FREM3: variants seen among roughly 807,000 people sequenced by gnomAD.
FREM3 encodes the protein FRAS1-related extracellular matrix protein 3.
FREM3 carries 105 observed loss-of-function variants against 129.1 expected under a neutral mutation model. The ratio of observed to expected loss-of-function variants is 0.81; its 90% confidence interval spans 0.69 to 0.96. FREM3 has a LOEUF of 0.96. FREM3 is among the 40% of genes least tolerant of loss of function. The pLI is 0.00. For missense variants in FREM3, 2,593 were observed against 2,666.3 expected, an observed-to-expected ratio of 0.97 and a Z score of 0.61; for synonymous variants, 1,014 against 1,044.9, an observed-to-expected ratio of 0.97 and a Z score of 0.57.
intron 6 of FREM3, among the ~76,000 whole-genome samples, chr4:143,595,466 T>C (rs1180278973): frequency 6.6e-6 from 1 of 152,230 alleles, no homozygotes; most frequent in Non-Finnish European, 1.5e-5. Flanking sequence ...GCTGTAAGCA[T>C]GGTGCTAGTT....
At chr4:143,622,996 G>T (rs1041552075) in intron 4 of FREM3, among the ~76,000 whole-genome samples, 13 of 152,278 alleles carry the variant, frequency 8.5e-5, no homozygotes, top group African/African-American at 3.1e-4. Context: ...TTGTTCATTA[G>T]GTGGTGGGGG....
In FREM3 at chr4:143,697,985, G is replaced by C; in HGVS notation, c.2691C>G (p.Asn897Lys). The change falls in exon 1 of 8, where the codon AAC (asparagine) becomes AAG (lysine). Residue 897 changes from asparagine to lysine, a missense_variant. Physicochemically the swap from Asn to Lys is moderately conservative, Grantham distance 94. Around this residue, in one of 2 missense-constraint regions of FREM3, gnomAD observed 2,276 missense variants for 2,267.2 expected, o/e 1.00. Transcript: ENST00000329798. ...TGCCATGCTGGTAAGAGACACTCCC[G>C]TTAATAACATCAGCTTGCATGAAAG... ...GESFMQADVINGSVSYQHGRD... is the reference protein window; with the variant it reads ...GESFMQADVIKGSVSYQHGRD... 6.5e-7 allele frequency: 1 copy of C among 1,537,526 alleles called. No homozygotes were observed. Among genetic ancestry groups the C allele is most frequent in the Non-Finnish European group, 8.7e-7 (1 of 1,146,978 alleles).
rs750123732 is a variant in FREM3 at position 143,695,717 on chromosome 4, T to A, written c.4959A>T (p.Arg1653Ser). ...HKPQVMRVQI[R>S]SLDNRLPQIT... ...TCTGGGGAAGCCTATTGTCTAATGA[T>A]CTTATCTGGACCCTCATTACTTGAG... Residue 1653 changes from arginine (R) to serine (S), a missense_variant, in exon 1 of 8, where the codon AGA becomes AGT. Transcript: ENST00000329798. 7.2e-6 allele frequency: 11 copies of A among 1,537,252 alleles called. No homozygotes were observed. Among genetic ancestry groups the A allele is most frequent in the East Asian group, 2.4e-5 (1 of 40,906 alleles).
At chr4:143,609,997 T>C (rs982227866) in intron 6 of FREM3, among the ~76,000 whole-genome samples, 2 of 152,198 alleles carry the variant, frequency 1.3e-5, no homozygotes, top group African/African-American at 4.8e-5. Context: ...TAAAGGAATA[T>C]ATTGAAAATT....
At chr4:143,596,665 T>C (rs1738488681) in intron 6 of FREM3, among the ~76,000 whole-genome samples, 1 of 152,194 alleles carries the variant, frequency 6.6e-6, no homozygotes, top group Non-Finnish European at 1.5e-5. Context: ...AGCCTCACAG[T>C]GGTTCATGCC....
chr4:143,666,698 T>C (rs545347755), intron 2 of FREM3, among the ~76,000 whole-genome samples: 5 of 152,122 alleles, frequency 3.3e-5, no homozygotes, highest in African/African-American at 1.2e-4. Flanking sequence ...AGACATAAAG[T>C]GGATTAGAGG....
intron 2 of FREM3, among the ~76,000 whole-genome samples, chr4:143,629,668 T>C (rs906627087): frequency 6.6e-6 from 1 of 152,196 alleles, no homozygotes; most frequent in African/African-American, 2.4e-5. Flanking sequence ...TTATATTTAC[T>C]TTTTTTGTGT....
chr4:143,595,609 C>T lies in FREM3; in HGVS notation c.6029-9616G>A, dbSNP rs539854841. Reference sequence around the variant, plus strand: ...CTATGCTATAGCAAAAGAAGGGAGCCGGGCACCGTGGCTCTTGCCTGTAAT... The same window carrying T: ...CTATGCTATAGCAAAAGAAGGGAGCTGGGCACCGTGGCTCTTGCCTGTAAT... On this transcript the variant is annotated intron_variant, in intron 6 of 7. Transcript: ENST00000329798. 1.9e-4 allele frequency among the ~76,000 whole-genome samples: 29 copies of T among 152,216 alleles called. No individual in the cohort carries two copies. The South Asian group carries it at 3.3e-3, about 17-fold the overall frequency.
intron 6 of FREM3, among the ~76,000 whole-genome samples, chr4:143,593,208 A>T (rs1397226511): frequency 6.6e-6 from 1 of 151,972 alleles, no homozygotes; most frequent in African/African-American, 2.4e-5. Context: ...GAGTAGTTTG[A>T]TCTATTGAAG....
intron 2 of FREM3, among the ~76,000 whole-genome samples, chr4:143,686,884 A>T (rs1318253939): frequency 6.6e-6 from 1 of 152,174 alleles, no homozygotes. Context: ...CTGAAAGCAC[A>T]GACAATCTAA....
chr4:143,652,711 C>A (rs1487440740), intron 2 of FREM3, among the ~76,000 whole-genome samples: 2 of 152,200 alleles, frequency 1.3e-5, no homozygotes, highest in Admixed American at 6.5e-5. Flanking sequence ...CTCACTGCCA[C>A]CTCCACCTCT....
chr4:143,618,564 C>T (rs925421345), intron 5 of FREM3, among the ~76,000 whole-genome samples: 11 of 152,022 alleles, frequency 7.2e-5, no homozygotes, highest in African/African-American at 2.4e-4. Flanking sequence ...ACCTGCCTTG[C>T]TTGCTTTTAA....
chr4:143,592,715 T>C (rs2149835352), intron 6 of FREM3, among the ~76,000 whole-genome samples: 1 of 152,192 alleles, frequency 6.6e-6, no homozygotes, highest in Non-Finnish European at 1.5e-5. Context: ...GACAATTATG[T>C]ATCTTGGAGT....
At chr4:143,616,687 G>A (rs1157776347) in intron 5 of FREM3, among the ~76,000 whole-genome samples, 1 of 152,122 alleles carries the variant, frequency 6.6e-6, no homozygotes, top group African/African-American at 2.4e-5. Context: ...CAGCTACACG[G>A]GAGGCTGAGG....
intron 2 of FREM3, among the ~76,000 whole-genome samples, chr4:143,631,756 A>G (rs963700543): frequency 1.3e-5 from 2 of 152,078 alleles, no homozygotes; most frequent in African/African-American, 2.4e-5. Flanking sequence ...GGCCATTTTA[A>G]TATGGAGGGA....
At chr4:143,673,385 G>A (rs1380906314) in intron 2 of FREM3, among the ~76,000 whole-genome samples, 1 of 152,188 alleles carries the variant, frequency 6.6e-6, no homozygotes, top group Non-Finnish European at 1.5e-5. Flanking sequence ...TGGGTATCAC[G>A]AGCAGAGGCT....
chr4:143,640,032 G>A (rs1327168917), intron 2 of FREM3, among the ~76,000 whole-genome samples: 1 of 152,136 alleles, frequency 6.6e-6, no homozygotes, highest in African/African-American at 2.4e-5. Context: ...AAGTTCTCAT[G>A]CTGTTTCACA....
At chr4:143,624,909 C>G (rs1431118804) in intron 3 of FREM3, among the ~76,000 whole-genome samples, 1 of 152,124 alleles carries the variant, frequency 6.6e-6, no homozygotes, top group African/African-American at 2.4e-5. Context: ...CTTGCTGATT[C>G]TTACTCATGG....
chr4:143,669,237 C>T (rs569944089), intron 2 of FREM3, among the ~76,000 whole-genome samples: 4 of 152,240 alleles, frequency 2.6e-5, no homozygotes, highest in African/African-American at 7.2e-5. Context: ...AACTAGGGTG[C>T]GTTATGAATT....
Sources: allele counts gnomAD v4.1 joint callset (sites outside exome capture counted in the v4.1 genomes callset), GRCh38; gene constraint gnomAD v4.1.1; regional missense constraint gnomAD v4.1.1; transcripts MANE v1.5; gene names NCBI Gene and HGNC (gene_info 2026-07-23, HGNC 2026-07-21).